The following NUTM2F variants were observed in gnomAD, a reference collection of about 807,000 sequenced individuals.
The protein encoded by NUTM2F is family with sequence similarity 22, member F.
NUTM2F carries 22 observed loss-of-function variants against 43.3 expected under a neutral mutation model. The ratio of observed to expected loss-of-function variants is 0.51; its 90% CI spans 0.36 to 0.73. NUTM2F has a LOEUF of 0.73. Ranked by LOEUF, NUTM2F falls within the 30% of genes least tolerant of loss-of-function variation. The pLI is 0.00. For missense variants in NUTM2F, 488 were observed against 927.4 expected (o/e 0.53, Z 6.15); for synonymous variants, 202 against 389.0 (o/e 0.52, Z 5.66).
chr9:94,324,943 C>T (rs1831431103), intron 2 of NUTM2F, among the ~76,000 whole-genome samples: 1 of 143,774 alleles, frequency 7.0e-6, no homozygotes, highest in Non-Finnish European at 1.5e-5. Context: ...GCTGAGATCG[C>T]GCCATTGCAC....
Position 94,325,834 on chromosome 9 carries a change from G to A in NUTM2F, c.117C>T (p.His39=), listed in dbSNP as rs1250881470. 1.2e-6 allele frequency: 2 copies of A among 1,612,108 alleles called. No homozygotes were observed. Among genetic ancestry groups the A allele is most frequent in the Non-Finnish European group, 1.7e-6 (2 of 1,179,858 alleles). ...CCACTGCAGTCACGAGGGGCGGCCT[G>A]TGTGCTGGGCCGGGAGCGGGTGTGG... ...PFATPAPGPA[H]RPPLVTAVVP... Residue 39 remains histidine (H), a synonymous_variant, in exon 2 of 7, where the codon CAC becomes CAT. Coordinates refer to ENST00000253262, the MANE Select transcript of NUTM2F (RefSeq NM_017561.2).
chr9:94,319,528 T>A (rs1266410759), intron 6 of NUTM2F, 85 bp downstream of exon 6: 1 of 1,555,414 alleles, frequency 6.4e-7, no homozygotes, highest in East Asian at 2.2e-5. Context: ...CCCAGCAGGG[T>A]GGGCTTAGAC....
At position 94,319,647 on chromosome 9, in the gene NUTM2F, T is replaced by C. The variant is rs1831329610; in HGVS notation, c.1451A>G (p.Glu484Gly). 1 of 1,612,092 alleles carries C rather than the reference T, an allele frequency of 6.2e-7. No individual in the cohort carries two copies. Among genetic ancestry groups the C allele is most frequent in the Non-Finnish European group, 8.5e-7 (1 of 1,179,822 alleles). The change falls in exon 6 of 7, where the codon GAG (glutamate) becomes GGG (glycine). Residue 484 changes from glutamate (E) to glycine (G), a missense_variant. Physicochemically the swap from Glu to Gly is moderately conservative, Grantham distance 98. Transcript: ENST00000253262. Reference sequence around the variant, plus strand: ...GGTGAGTCCTTCCTCCTGCTCCAGCTCCTGGCTTAGGGCCAAGAAATCCAT... The same window carrying C: ...GGTGAGTCCTTCCTCCTGCTCCAGCCCCTGGCTTAGGGCCAAGAAATCCAT... ...PQMDFLALSQELEQEEGLTLA... is the reference protein window; with the variant it reads ...PQMDFLALSQGLEQEEGLTLA...
Position 94,321,317 on chromosome 9 carries a change from G to A in NUTM2F, c.843-85C>T, listed in dbSNP as rs1831363648. The A allele has an allele frequency of 4.1e-5, 63 of 1,533,094 alleles. No homozygotes were observed. The South Asian group carries it at 7.2e-4, about 17-fold the overall frequency. 95.0% of individuals were successfully genotyped at this position (1,533,094 alleles called of 1,614,324 possible). On this transcript the variant is annotated intron_variant, in intron 3 of 6. Coordinates refer to ENST00000253262, the MANE Select transcript of NUTM2F (RefSeq NM_017561.2). ...CAGGCAGCAGCTGAGGGCAGGGATG[G>A]GAGGGAGTGCCTCCGGCGGGCTGTC...
In NUTM2F at chr9:94,324,620, G is replaced by A. The variant is rs575141330; in HGVS notation, c.713+618C>T. 2.8e-5 allele frequency among the ~76,000 whole-genome samples: 4 copies of A among 143,328 alleles called. No individual in the cohort carries two copies. The East Asian group carries it at 6.3e-4, about 23-fold the overall frequency. 94.0% of individuals were successfully genotyped at this position (143,328 alleles called of 152,430 possible). ...AGAGCTTGCAGTGAGCCAAGATCGC[G>A]CCACTGCACTCCAGCCTGGGCGACA... On this transcript the variant is annotated intron_variant, in intron 2 of 6. Coordinates refer to ENST00000253262, the MANE Select transcript of NUTM2F (RefSeq NM_017561.2).
chr9:94,319,639 G>C lies in NUTM2F; in HGVS notation c.1459C>G (p.Gln487Glu). 3.1e-6 allele frequency: 5 copies of C among 1,612,192 alleles called. No individual in the cohort carries two copies. Among genetic ancestry groups the C allele is most frequent in the Non-Finnish European group, 4.2e-6 (5 of 1,179,850 alleles). Residue 487 changes from glutamine (Q) to glutamate (E), a missense_variant, in exon 6 of 7, where the codon CAG becomes GAG. Gln to Glu is a conservative substitution (Grantham distance 29, BLOSUM62 2). Transcript: ENST00000253262. Reference protein sequence around the residue: ...DFLALSQELEQEEGLTLAQLV... With the variant: ...DFLALSQELEEEEGLTLAQLV... ...TGGGCAAGGGTGAGTCCTTCCTCCT[G>C]CTCCAGCTCCTGGCTTAGGGCCAAG... is the stretch of plus-strand genomic sequence containing the variant.
At position 94,320,497 on chromosome 9, in the gene NUTM2F, G is replaced by C. The variant is rs1213119459; in HGVS notation, c.1079C>G (p.Pro360Arg). The change falls in exon 5 of 7, where the codon CCA (proline) becomes CGA (arginine). Residue 360 changes from proline to arginine, a missense_variant. Coordinates refer to ENST00000253262, the MANE Select transcript of NUTM2F (RefSeq NM_017561.2). The surrounding 1 kb of genome is among the most constrained non-coding windows in gnomAD (Gnocchi z 4.5). ...RPAETKAHLPPPRPQRPAETN... is the reference protein window; with the variant it reads ...RPAETKAHLPRPRPQRPAETN... ...CTCCGCTGGCCTCTGGGGCCTGGGT[G>C]GTGGCAGGTGGGCCTTGGTCTCCGC... 1.2e-6 allele frequency: 2 copies of C among 1,611,418 alleles called. No individual in the cohort carries two copies. The highest frequency in any genetic ancestry group is 1.7e-6 in the Non-Finnish European group (2 of 1,179,526).
chr9:94,323,214 G>T (rs570794948), intron 2 of NUTM2F, among the ~76,000 whole-genome samples: 3,579 of 152,010 alleles, frequency 0.024, 134 homozygotes, highest in African/African-American at 0.081. Context: ...AGGGTCCCCA[G>T]TGCACCGGGA....
At chr9:94,319,538 C>A in intron 6 of NUTM2F, 75 bp downstream of exon 6, 2 of 1,596,548 alleles carry the variant, frequency 1.3e-6, no homozygotes, top group South Asian at 1.1e-5. Context: ...TGGGCTTAGA[C>A]AATCGGGTGG....
intron 3 of NUTM2F, 90 bp downstream of exon 3, chr9:94,322,111 T>G (rs536248041): frequency 6.5e-7 from 1 of 1,549,250 alleles, no homozygotes; most frequent in African/African-American, 1.4e-5. Flanking sequence ...CTCCTCATGC[T>G]CCATGCTGAG....
intron 2 of NUTM2F, among the ~76,000 whole-genome samples, chr9:94,322,729 C>A (rs1387477300): frequency 6.6e-6 from 1 of 151,582 alleles, no homozygotes; most frequent in Non-Finnish European, 1.5e-5. Context: ...GGAGGAGACA[C>A]CAGGGCTCTT....
Position 94,325,107 on chromosome 9 carries a change from T to G in NUTM2F, c.713+131A>C. The stretch of plus-strand genomic sequence containing the variant: ...AGATTAATGTTGCTGAAAACGTACC[T>G]TCCCATAGCACAACCCATCACCCTC... On this transcript the variant is annotated intron_variant, in intron 2 of 6. Coordinates refer to ENST00000253262, the MANE Select transcript of NUTM2F (RefSeq NM_017561.2). 4.2e-6 allele frequency: 4 copies of G among 960,394 alleles called. 1 individual carries two copies. The Admixed American group carries it at 9.0e-5, about 22-fold the overall frequency. 59.5% of individuals were successfully genotyped at this position (960,394 alleles called of 1,614,324 possible). A position where few individuals can be genotyped will look rare whatever the true frequency, so the allele number is the denominator to read the frequency against.
chr9:94,322,173 G>A, intron 3 of NUTM2F, 28 bp downstream of exon 3: 1 of 1,611,686 alleles, frequency 6.2e-7, no homozygotes, highest in Non-Finnish European at 8.5e-7. Context: ...CCGCCACACG[G>A]GCCCTGCCCC....
chr9:94,319,784 C>G, intron 5 of NUTM2F, 55 bp from the exon 6 acceptor site: 2 of 1,597,678 alleles, frequency 1.3e-6, no homozygotes, highest in Non-Finnish European at 1.7e-6. Context: ...AACCTGGAGC[C>G]AAGGACACCC....
intron 2 of NUTM2F, among the ~76,000 whole-genome samples, chr9:94,324,522 G>A (rs1277863062): frequency 1.3e-5 from 2 of 151,368 alleles, no homozygotes; most frequent in East Asian, 3.9e-4. Flanking sequence ...AATTAGCCGG[G>A]CATGGTGGTG....
Position 94,320,494 on chromosome 9 carries a change from G to C in NUTM2F, c.1082C>G (p.Pro361Arg), listed in dbSNP as rs757659638. The C allele has an allele frequency of 6.2e-7, 1 of 1,611,452 alleles. No individual in the cohort carries two copies. The highest frequency in any genetic ancestry group is 1.1e-5 in the South Asian group (1 of 90,954). ...PAETKAHLPP[P>R]RPQRPAETNA... ...GGTCTCCGCTGGCCTCTGGGGCCTGGGTGGTGGCAGGTGGGCCTTGGTCTC... is the reference window on the plus strand; with the variant it reads ...GGTCTCCGCTGGCCTCTGGGGCCTGCGTGGTGGCAGGTGGGCCTTGGTCTC... Residue 361 changes from proline to arginine, a missense_variant, in exon 5 of 7, where the codon CCC becomes CGC. By Grantham distance (103) the Pro-to-Arg change is moderately radical. Transcript: ENST00000253262. This position sits in a 1 kb window ranked among gnomAD's most constrained non-coding sequence, Gnocchi z 4.5.
rs1296699621 is a variant in NUTM2F at position 94,325,225 on chromosome 9, C to G, written c.713+13G>C. On this transcript the variant is annotated intron_variant, in intron 2 of 6. Transcript: ENST00000253262. Reference sequence around the variant, plus strand: ...AGCTGCAGGACAAGCTCCGGCGCCCCGAGGACACTCACATGAGGAAGCAGG... The same window carrying G: ...AGCTGCAGGACAAGCTCCGGCGCCCGGAGGACACTCACATGAGGAAGCAGG... The G allele has an allele frequency of 2.9e-6, 2 of 688,690 alleles. No individual in the cohort carries two copies. The highest frequency in any genetic ancestry group is 4.7e-6 in the Non-Finnish European group (2 of 426,048). The allele number at this position is 688,690 out of a possible 1,614,324, so 42.7% of individuals were successfully genotyped here. A position where few individuals can be genotyped will look rare whatever the true frequency, so the allele number is the denominator to read the frequency against.
chr9:94,319,678 G>T lies in NUTM2F; in HGVS notation c.1420C>A (p.Pro474Thr). The change falls in exon 6 of 7, where the codon CCA becomes ACA. Residue 474 changes from proline (P) to threonine (T), a missense_variant. Physicochemically the swap from Pro to Thr is conservative, Grantham distance 38. Transcript: ENST00000253262. ...CTTAGGGCCAAGAAATCCATCTGTGGATCTGGGGAAAGCAATTCTTCCAGG... is the reference window on the plus strand; with the variant it reads ...CTTAGGGCCAAGAAATCCATCTGTGTATCTGGGGAAAGCAATTCTTCCAGG... ...RFLEELLSPDPQMDFLALSQE... is the reference protein window; with the variant it reads ...RFLEELLSPDTQMDFLALSQE... The T allele has an allele frequency of 6.2e-7, 1 of 1,611,854 alleles. No homozygotes were observed. Among genetic ancestry groups the T allele is most frequent in the South Asian group, 1.1e-5 (1 of 90,982 alleles).
At position 94,325,367 on chromosome 9, in the gene NUTM2F, G is replaced by A; in HGVS notation, c.584C>T (p.Ala195Val). ...GGGTTTACAGGAGTCGTCCGGCCGG[G>A]CCTTGGCCTGGGAGGGAGCCAGGCT... ...EGSLAPSQAK[A>V]RPDDSCKPKS... is the part of the protein sequence containing the mutation. Residue 195 changes from alanine (A) to valine (V), a missense_variant, in exon 2 of 7, where the codon GCC (alanine) becomes GTC (valine). Ala to Val is a moderately conservative substitution (Grantham distance 64). Transcript: ENST00000253262. 1 of 1,000,242 alleles carries A rather than the reference G, an allele frequency of 1.0e-6. No homozygotes were observed. Among genetic ancestry groups the A allele is most frequent in the Non-Finnish European group, 1.4e-6 (1 of 722,240 alleles). The allele number at this position is 1,000,242 out of a possible 1,614,324, so 62.0% of individuals were successfully genotyped here.
Sources: allele counts gnomAD v4.1 joint callset (sites outside exome capture counted in the v4.1 genomes callset), GRCh38; gene constraint gnomAD v4.1.1; non-coding constraint Gnocchi (gnomAD v3.1); transcripts MANE v1.5; gene names NCBI Gene and HGNC (gene_info 2026-07-23, HGNC 2026-07-21).